FMN1: variants seen among roughly 807,000 people sequenced by gnomAD.
FMN1 encodes formin 1.
Under a neutral mutation model 132.4 loss-of-function variants are expected in FMN1, and 110 were observed. That is an observed-to-expected ratio of 0.83 (90% confidence interval 0.71 to 0.97). The LOEUF (loss-of-function observed/expected upper bound fraction) is 0.97, where lower values mean the gene tolerates loss of function less well. FMN1 is among the 50% of genes least tolerant of loss of function. The pLI is 0.00. For synonymous variants in FMN1, 722 were observed against 651.7 expected (o/e 1.11, Z -1.64); for missense variants, 1,792 against 1,705.3 (o/e 1.05, Z -0.90).
intron 14 of FMN1, 61 bp downstream of exon 14, chr15:32,899,914 TAAAA>T (rs1344452118): frequency 6.6e-7 from 1 of 1,519,696 alleles, no homozygotes; most frequent in Admixed American, 1.9e-5. Context: ...ATACGTTTTT[TAAAA>T]TTAAAGGTAA....
At chr15:33,194,387 C>T (rs892899757) in intron 1 of FMN1, among the ~76,000 whole-genome samples, 191 bp downstream of exon 1, 3 of 151,354 alleles carry the variant, frequency 2.0e-5, no homozygotes, top group Admixed American at 2.0e-4. Flanking sequence ...CACCAACGTA[C>T]TTGGGAGCAG....
At chr15:32,776,079 C>CA (rs1000016450) in intron 20 of FMN1, among the ~76,000 whole-genome samples, 18 of 151,614 alleles carry the variant, frequency 1.2e-4, no homozygotes, top group African/African-American at 4.1e-4. Context: ...AAAATAACCC[C>CA]AAAAAAAAAG....
chr15:32,822,330 A>T (rs939006498), intron 17 of FMN1, among the ~76,000 whole-genome samples: 1 of 152,076 alleles, frequency 6.6e-6, no homozygotes, highest in Non-Finnish European at 1.5e-5. Context: ...GGCCTGGGTG[A>T]CAGAGTGAGA....
At chr15:32,828,517 T>TTC (rs2058426012) in intron 17 of FMN1, among the ~76,000 whole-genome samples, 2 of 152,058 alleles carry the variant, frequency 1.3e-5, no homozygotes, top group South Asian at 2.1e-4. Flanking sequence ...TTTTTTTTTT[T>TTC]CTCACTGGGT....
At chr15:32,830,878 G>A (rs1005030151) in intron 17 of FMN1, among the ~76,000 whole-genome samples, 14 of 152,082 alleles carry the variant, frequency 9.2e-5, no homozygotes, top group African/African-American at 3.1e-4. Context: ...ATCTAAAGAC[G>A]GGATGAAATG....
At chr15:32,942,386 C>T (rs1360038842) in intron 9 of FMN1, among the ~76,000 whole-genome samples, 1 of 152,208 alleles carries the variant, frequency 6.6e-6, no homozygotes, top group Non-Finnish European at 1.5e-5. Context: ...GAATTCTTGT[C>T]AGGTCCAGTG....
At chr15:32,964,517 C>G (rs980112174) in intron 8 of FMN1, among the ~76,000 whole-genome samples, 1 of 152,226 alleles carries the variant, frequency 6.6e-6, no homozygotes, top group African/African-American at 2.4e-5. Context: ...TCTACAGAAA[C>G]TCCTTAGGAC....
chr15:32,856,743 A>G (rs1394834761), intron 17 of FMN1, among the ~76,000 whole-genome samples: 1 of 152,244 alleles, frequency 6.6e-6, no homozygotes, highest in African/African-American at 2.4e-5. Context: ...CCCCATGAAG[A>G]GACAAAAAAG....
rs189462954 is a variant in FMN1 at position 33,137,702 on chromosome 15, A to G, written c.1867+15346T>C. On this transcript the variant is annotated intron_variant, in intron 4 of 20. Transcript: ENST00000616417. ...CTTGCACATTTCTTTACACTGGGGT[A>G]TGGCTTCTCTACATGATTACAGACA... 1.0e-3 allele frequency among the ~76,000 whole-genome samples: 159 copies of G among 152,282 alleles called. No homozygotes were observed. In the South Asian group the frequency reaches 0.013, roughly 12 times the overall value.
chr15:32,774,870 G>C (rs749799883), intron 20 of FMN1, among the ~76,000 whole-genome samples: 7 of 152,198 alleles, frequency 4.6e-5, no homozygotes, highest in Non-Finnish European at 1.0e-4. Context: ...TGGATGTTAT[G>C]CTCTTCATTC....
At chr15:32,914,177 CAA>C (rs1298271395) in intron 10 of FMN1, among the ~76,000 whole-genome samples, 23 of 152,180 alleles carry the variant, frequency 1.5e-4, no homozygotes, top group African/African-American at 5.5e-4. Context: ...TTTCCTTATT[CAA>C]AAAAGTTTTA....
chr15:32,919,718 A>T lies in FMN1; in HGVS notation c.3226+6456T>A, dbSNP rs919309409. The stretch of plus-strand genomic sequence containing the variant: ...AAGACCAAAAGCCTTTTGAGTAGAC[A>T]CTCTTCTAGGCTAGACTGAGATTGT... On this transcript the variant is annotated intron_variant, in intron 10 of 20. Coordinates refer to ENST00000616417, the MANE Select transcript of FMN1 (RefSeq NM_001277313.2). Among the ~76,000 whole-genome samples the T allele has an allele frequency of 7.2e-5, 11 of 152,210 alleles. No individual in the cohort carries two copies. In the South Asian group the frequency reaches 2.1e-3, roughly 29 times the overall value.
chr15:33,000,559 T>C (rs533284187), intron 7 of FMN1, among the ~76,000 whole-genome samples: 3 of 151,862 alleles, frequency 2.0e-5, no homozygotes, highest in South Asian at 2.1e-4. Flanking sequence ...GGTGGGCAGA[T>C]GGCTCGTGCC....
chr15:33,189,261 A>G (rs1207618830), intron 2 of FMN1, among the ~76,000 whole-genome samples: 1 of 152,216 alleles, frequency 6.6e-6, no homozygotes, highest in Non-Finnish European at 1.5e-5. Flanking sequence ...AGAGGATGCT[A>G]CAATAGAAAT....
At chr15:32,820,672 T>G (rs891825611) in intron 17 of FMN1, among the ~76,000 whole-genome samples, 5 of 152,174 alleles carry the variant, frequency 3.3e-5, no homozygotes, top group Non-Finnish European at 5.9e-5. Context: ...GTAGACATAG[T>G]TTTAATTTAT....
intron 4 of FMN1, among the ~76,000 whole-genome samples, chr15:33,145,869 C>G (rs1335131175): frequency 1.3e-5 from 2 of 152,032 alleles, no homozygotes; most frequent in African/African-American, 4.8e-5. Flanking sequence ...TGAGTTCTCC[C>G]TCTAAACACA....
At chr15:33,018,935 G>A (rs543052156) in intron 6 of FMN1, among the ~76,000 whole-genome samples, 3 of 152,300 alleles carry the variant, frequency 2.0e-5, no homozygotes, top group East Asian at 1.9e-4. Flanking sequence ...GACCTTCCTG[G>A]TGAGTGTTAC....
chr15:32,953,845 G>T (rs1289989338), intron 9 of FMN1, among the ~76,000 whole-genome samples: 4 of 152,188 alleles, frequency 2.6e-5, no homozygotes, highest in South Asian at 2.1e-4. Flanking sequence ...GAACATTGTG[G>T]TTTGAGTCTG....
intron 9 of FMN1, among the ~76,000 whole-genome samples, chr15:32,926,754 G>T (rs2060971653): frequency 6.6e-6 from 1 of 152,048 alleles, no homozygotes; most frequent in South Asian, 2.1e-4. Flanking sequence ...TCTATGAATT[G>T]ATTTCCTCAT....
Sources: allele counts gnomAD v4.1 joint callset (sites outside exome capture counted in the v4.1 genomes callset), GRCh38; gene constraint gnomAD v4.1.1; transcripts MANE v1.5; gene names NCBI Gene and HGNC (gene_info 2026-07-23, HGNC 2026-07-21).